Variants in RFC1 observed in about 807,000 individuals in gnomAD.
The protein encoded by RFC1 is replication factor C subunit 1.
RFC1 carries 37 observed loss-of-function variants against 137.4 expected under a neutral mutation model. The ratio of observed to expected loss-of-function variants is 0.27; its 90% CI spans 0.21 to 0.35. RFC1 has a LOEUF of 0.35. Ranked by LOEUF, RFC1 falls within the 10% of genes least tolerant of loss-of-function variation. The pLI is 1.00. For missense variants in RFC1, 1,205 were observed against 1,358.5 expected, an observed-to-expected ratio of 0.89 and a Z score of 1.78; for synonymous variants, 429 against 455.7, an observed-to-expected ratio of 0.94 and a Z score of 0.75.
chr4:39,310,142 T>C (rs1007041960), intron 12 of RFC1, among the ~76,000 whole-genome samples: 2 of 152,092 alleles, frequency 1.3e-5, no homozygotes, highest in Non-Finnish European at 2.9e-5. Flanking sequence ...AGGCATAACC[T>C]CAACCTAATC....
Position 39,321,372 on chromosome 4 carries a change from A to G in RFC1, c.723T>C (p.Ala241=), listed in dbSNP as rs1402186118. ...MLDEEPKTKK[A]RKDTEAGETF... is the part of the protein sequence containing the mutation. ...TTTCTCCCGCTTCTGTGTCCTTTCG[A>G]GCCTAAACAAATTTTAAAAGTGTCA... Residue 241 remains alanine, a splice_region_variant and synonymous_variant, in exon 8 of 25, where the codon GCT becomes GCC. Coordinates refer to ENST00000349703, the MANE Select transcript of RFC1 (RefSeq NM_002913.5). The G allele has an allele frequency of 8.7e-6, 14 of 1,612,452 alleles. No individual in the cohort carries two copies. The highest frequency in any genetic ancestry group is 1.2e-5 in the Non-Finnish European group (14 of 1,179,528).
In RFC1 at chr4:39,288,340, T is replaced by G. The variant is rs1332947887; in HGVS notation, c.*421A>C. ...TTATTTACAAAATTTCACCACATAA[T>G]AGGAACTGCCTTTAAAAAAAATCAG... On this transcript the variant is annotated 3_prime_UTR_variant, in exon 25 of 25. Coordinates refer to ENST00000349703, the MANE Select transcript of RFC1 (RefSeq NM_002913.5). 1 of 154,248 alleles carries G rather than the reference T, an allele frequency of 6.5e-6. No homozygotes were observed. Among genetic ancestry groups the G allele is most frequent in the Admixed American group, 6.5e-5 (1 of 15,360 alleles). The allele number at this position is 154,248 out of a possible 1,614,324, so 9.6% of individuals were successfully genotyped here. A position where few individuals can be genotyped will look rare whatever the true frequency, so the allele number is the denominator to read the frequency against.
intron 1 of RFC1, among the ~76,000 whole-genome samples, chr4:39,356,255 C>T (rs756972788): frequency 9.9e-5 from 15 of 151,798 alleles, no homozygotes; most frequent in African/African-American, 3.6e-4. Flanking sequence ...AAAAATTAGC[C>T]GAGCTTGGTG....
chr4:39,302,696 A>T, intron 17 of RFC1, 41 bp downstream of exon 17: 1 of 1,540,220 alleles, frequency 6.5e-7, no homozygotes, highest in Non-Finnish European at 8.7e-7. Flanking sequence ...CCCTTAAATA[A>T]ATAGGCTAGT....
chr4:39,294,399 G>A (rs899866869), intron 22 of RFC1, among the ~76,000 whole-genome samples: 1 of 152,154 alleles, frequency 6.6e-6, no homozygotes. Context: ...GGGGCCGGGC[G>A]TGTGGCTCAC....
intron 1 of RFC1, among the ~76,000 whole-genome samples, chr4:39,358,896 AC>A (rs1265202985): frequency 6.6e-6 from 1 of 152,112 alleles, no homozygotes; most frequent in Non-Finnish European, 1.5e-5. Flanking sequence ...ACATACCGAT[AC>A]TTCCTAAATC....
At chr4:39,366,186 G>A in intron 1 of RFC1, 53 bp downstream of exon 1, 1 of 1,544,866 alleles carries the variant, frequency 6.5e-7, no homozygotes, top group Non-Finnish European at 8.7e-7. Flanking sequence ...TCCACACCAG[G>A]CCTGCAAAGC....
At chr4:39,354,707 CAGG>C (rs1741371146) in intron 1 of RFC1, among the ~76,000 whole-genome samples, 2 of 143,334 alleles carry the variant, frequency 1.4e-5, no homozygotes, top group South Asian at 4.4e-4. Flanking sequence ...TGCTTGAACC[CAGG>C]AGTTCAAGTT....
In RFC1 at chr4:39,308,725, A is replaced by G. The variant is rs1332240399; in HGVS notation, c.1796T>C (p.Ile599Thr). The change falls in exon 13 of 25, where the codon ATT becomes ACT. Residue 599 changes from isoleucine (I) to threonine (T), a missense_variant. By Grantham distance (89) the Ile-to-Thr change is moderately conservative. Transcript: ENST00000349703. ...KYKPTSLKTI[I>T]GQQGDQSCAN... ...ACAGCTCTGGTCACCTTGCTGTCCA[A>G]TTATGGTCTTGAGCGAGGTTGGCTT... 9 of 1,614,188 alleles carry G rather than the reference A, an allele frequency of 5.6e-6. No homozygotes were observed. Among genetic ancestry groups the G allele is most frequent in the Non-Finnish European group, 7.6e-6 (9 of 1,180,034 alleles).
intron 1 of RFC1, 123 bp from the exon 2 acceptor site, chr4:39,351,599 G>T: frequency 2.7e-6 from 2 of 732,898 alleles, no homozygotes; most frequent in Non-Finnish European, 4.1e-6. Flanking sequence ...TCCATACCAA[G>T]ATAGTTCCAC....
intron 22 of RFC1, chr4:39,292,105 G>A (rs1054850042): frequency 1.3e-5 from 6 of 452,642 alleles, no homozygotes; most frequent in African/African-American, 3.9e-5. Context: ...AACATACGTG[G>A]ATTCTACTTC....
In RFC1 at chr4:39,366,356, C is replaced by G. The variant is rs146287144; in HGVS notation, c.-115G>C. 6 of 1,261,882 alleles carry G rather than the reference C, an allele frequency of 4.8e-6. No homozygotes were observed. The African/African-American group carries it at 9.3e-5, about 20-fold the overall frequency. The allele number at this position is 1,261,882 out of a possible 1,614,324, so 78.2% of individuals were successfully genotyped here. On this transcript the variant is annotated 5_prime_UTR_variant, in exon 1 of 25. Transcript: ENST00000349703. ...ACTTCTCCCGCGAAGTGCAAGAAGGCGAAGACAGTGGCGCGCGGTGATGAC... is the reference window on the plus strand; with the variant it reads ...ACTTCTCCCGCGAAGTGCAAGAAGGGGAAGACAGTGGCGCGCGGTGATGAC...
intron 1 of RFC1, among the ~76,000 whole-genome samples, chr4:39,361,665 A>G (rs1210115689): frequency 6.6e-6 from 1 of 152,248 alleles, no homozygotes; most frequent in African/African-American, 2.4e-5. Context: ...AATTTAGAAT[A>G]ATGAGTTCAG....
Position 39,327,661 on chromosome 4 carries a change from T to C in RFC1, c.427A>G (p.Lys143Glu), listed in dbSNP as rs766928118. The C allele has an allele frequency of 4.3e-6, 7 of 1,613,598 alleles. No homozygotes were observed. The African/African-American group carries it at 9.3e-5, about 22-fold the overall frequency. The change falls in exon 5 of 25, where the codon AAG (lysine) becomes GAG (glutamate). Residue 143 changes from lysine (K) to glutamate (E), a missense_variant. By Grantham distance (56) the Lys-to-Glu change is moderately conservative. This residue lies in a region of RFC1 where 962 missense variants were observed against 1,035.3 expected (regional missense o/e 0.93). Coordinates refer to ENST00000349703, the MANE Select transcript of RFC1 (RefSeq NM_002913.5). ...TTGGTCTTAGTGTTTTCTTCATTCT[T>C]TTTCATGTTTGATGTTCCAAGATGA... is the stretch of plus-strand genomic sequence containing the variant. ...NSHLGTSNMK[K>E]NEENTKTKNK...
intron 3 of RFC1, among the ~76,000 whole-genome samples, chr4:39,345,040 G>C (rs973367900): frequency 6.6e-6 from 1 of 151,766 alleles, no homozygotes; most frequent in South Asian, 2.1e-4. Context: ...GTTTTTTCTT[G>C]AGACAAAGTC....
chr4:39,327,493 G>T, intron 5 of RFC1, 31 bp downstream of exon 5: 1 of 1,423,556 alleles, frequency 7.0e-7, no homozygotes, highest in Non-Finnish European at 9.7e-7. Flanking sequence ...TATAAATCCT[G>T]AGCATACTTG....
Position 39,300,138 on chromosome 4 carries a change from C to G in RFC1, c.2691G>C (p.Gly897=). ...NYIHVKPVAA[G]GDMKKHLMLL... Reference sequence around the variant, plus strand: ...GCATCAGGTGCTTTTTCATGTCACCCCTGCAGGAAAGAACCAGTCTGGATT... The same window carrying G: ...GCATCAGGTGCTTTTTCATGTCACCGCTGCAGGAAAGAACCAGTCTGGATT... Residue 897 remains glycine (G), a splice_region_variant and synonymous_variant, in exon 21 of 25, where the codon GGG becomes GGC. Transcript: ENST00000349703. The G allele has an allele frequency of 1.2e-6, 2 of 1,613,470 alleles. No individual in the cohort carries two copies. The highest frequency in any genetic ancestry group is 1.7e-6 in the Non-Finnish European group (2 of 1,179,468).
chr4:39,303,073 C>T lies in RFC1; in HGVS notation c.2189G>A (p.Arg730Lys). The change falls in exon 16 of 25, where the codon AGG (arginine) becomes AAG (lysine). Residue 730 changes from arginine (R) to lysine (K), a missense_variant. By Grantham distance (26) the Arg-to-Lys change is conservative (BLOSUM62 2). Coordinates refer to ENST00000349703, the MANE Select transcript of RFC1 (RefSeq NM_002913.5). ...EVDGMAGNEDRGGIQELIGLI... is the reference protein window; with the variant it reads ...EVDGMAGNEDKGGIQELIGLI... ...CACTTGAATTACCTGAATTCCTCCC[C>T]TATCCTCATTGCCTGCCATGCCATC... 1 of 1,612,190 alleles carries T rather than the reference C, an allele frequency of 6.2e-7. No homozygotes were observed. The highest frequency in any genetic ancestry group is 8.5e-7 in the Non-Finnish European group (1 of 1,178,302).
chr4:39,294,183 G>A lies in RFC1; in HGVS notation c.2954+1431C>T, dbSNP rs1737848833. Among the ~76,000 whole-genome samples the A allele has an allele frequency of 3.3e-5, 5 of 152,136 alleles. No homozygotes were observed. In the South Asian group the frequency reaches 1.0e-3, roughly 31 times the overall value. On this transcript the variant is annotated intron_variant, in intron 22 of 24. Coordinates refer to ENST00000349703, the MANE Select transcript of RFC1 (RefSeq NM_002913.5). Reference sequence around the variant, plus strand: ...CAACAGCAACAGAAAACTAATACATGGGTAGCACAAAAGACTCATGCCATA... The same window carrying A: ...CAACAGCAACAGAAAACTAATACATAGGTAGCACAAAAGACTCATGCCATA...
Sources: allele counts gnomAD v4.1 joint callset (sites outside exome capture counted in the v4.1 genomes callset), GRCh38; gene constraint gnomAD v4.1.1; regional missense constraint gnomAD v4.1.1; transcripts MANE v1.5; gene names NCBI Gene and HGNC (gene_info 2026-07-23, HGNC 2026-07-21).